The following PDCD1 variants were observed in gnomAD, a reference collection of about 807,000 sequenced individuals.
The protein encoded by PDCD1 is programmed cell death protein 1.
In PDCD1, 10 loss-of-function variants were observed where a neutral mutation model predicts 23.6. The ratio of observed to expected loss-of-function variants is 0.42; its 90% CI spans 0.26 to 0.72. PDCD1 has a LOEUF of 0.72. Among genes scored for constraint, PDCD1 ranks in the 30% least tolerant of loss-of-function variants. The pLI, the probability that PDCD1 is intolerant of heterozygous loss-of-function variation, is 0.24. For synonymous variants in PDCD1, 168 were observed against 169.3 expected (o/e 0.99, Z 0.06); for missense variants, 313 against 397.8 (o/e 0.79, Z 1.81).
chr2:241,851,836 G>T, intron 4 of PDCD1, 113 bp downstream of exon 4: 2 of 1,084,812 alleles, frequency 1.8e-6, no homozygotes, highest in Non-Finnish European at 2.8e-6. Context: ...GTGGGGTCCT[G>T]GCTATAATAG....
intron 1 of PDCD1, among the ~76,000 whole-genome samples, chr2:241,856,425 G>T (rs1305566313): frequency 6.6e-6 from 1 of 152,226 alleles, no homozygotes; most frequent in Non-Finnish European, 1.5e-5. Flanking sequence ...AATATTCTTA[G>T]TTATTGATTC....
At chr2:241,851,650 C>A (rs1386512050) in intron 4 of PDCD1, among the ~76,000 whole-genome samples, 1 of 151,812 alleles carries the variant, frequency 6.6e-6, no homozygotes, top group Non-Finnish European at 1.5e-5. Flanking sequence ...CGCAGGCAGG[C>A]ACATATGTGG....
Position 241,852,616 on chromosome 2 carries a change from C to T in PDCD1, c.436+5G>A, listed in dbSNP as rs760475632. ...ACCCCTGCCCCGGGGCCTCCGAGGCCGCACCTGTCACCCTGAGCTCTGCCC... is the reference window on the plus strand; with the variant it reads ...ACCCCTGCCCCGGGGCCTCCGAGGCTGCACCTGTCACCCTGAGCTCTGCCC... On this transcript the variant is annotated splice_donor_5th_base_variant and intron_variant, in intron 2 of 4. Transcript: ENST00000334409. 20 of 1,608,282 alleles carry T rather than the reference C, an allele frequency of 1.2e-5. No homozygotes were observed. In the East Asian group the frequency reaches 1.3e-4, roughly 11 times the overall value.
chr2:241,856,033 T>C (rs577040149), intron 1 of PDCD1, among the ~76,000 whole-genome samples: 1 of 152,328 alleles, frequency 6.6e-6, no homozygotes, highest in East Asian at 1.9e-4. Context: ...CAGGCCTGGC[T>C]TCCTGTACAG....
Position 241,850,567 on chromosome 2 carries a change from T to G in PDCD1, c.*491A>C. Reference sequence around the variant, plus strand: ...CCCAGCCCCATGTACCTCCCACTCCTGTGCCCAGTCTTGGGCCCTGCGTCC... The same window carrying G: ...CCCAGCCCCATGTACCTCCCACTCCGGTGCCCAGTCTTGGGCCCTGCGTCC... On this transcript the variant is annotated 3_prime_UTR_variant, in exon 5 of 5. Coordinates refer to ENST00000334409, the MANE Select transcript of PDCD1 (RefSeq NM_005018.3). 2.5e-6 allele frequency: 1 copy of G among 394,526 alleles called. No individual in the cohort carries two copies. The highest frequency in any genetic ancestry group is 4.8e-6 in the Non-Finnish European group (1 of 207,368). The allele number at this position is 394,526 out of a possible 1,614,324, so 24.4% of individuals were successfully genotyped here. A position where few individuals can be genotyped will look rare whatever the true frequency, so the allele number is the denominator to read the frequency against.
intron 2 of PDCD1, 24 bp from the exon 3 acceptor site, chr2:241,852,377 G>T: frequency 6.7e-7 from 1 of 1,489,732 alleles, no homozygotes; most frequent in Non-Finnish European, 9.3e-7. Flanking sequence ...AAGGTCAGGG[G>T]TTAGGACGGG....
chr2:241,852,847 C>T lies in PDCD1; in HGVS notation c.210G>A (p.Met70Ile), dbSNP rs1424422486. The part of the protein sequence containing the change: ...SESFVLNWYR[M>I]SPSNQTDKLA... ...GCTTGTCCGTCTGGTTGCTGGGGCTCATGCGGTACCAGTTTAGCACGAAGC... is the reference window on the plus strand; with the variant it reads ...GCTTGTCCGTCTGGTTGCTGGGGCTTATGCGGTACCAGTTTAGCACGAAGC... The change falls in exon 2 of 5, where the codon ATG becomes ATA. Residue 70 changes from methionine (M) to isoleucine (I), a missense_variant. By Grantham distance (10) the Met-to-Ile change is conservative. Transcript: ENST00000334409. 2.5e-6 allele frequency: 4 copies of T among 1,608,736 alleles called. No individual in the cohort carries two copies. Among genetic ancestry groups the T allele is most frequent in the South Asian group, 2.2e-5 (2 of 91,066 alleles).
At position 241,858,864 on chromosome 2, in the gene PDCD1, C is replaced by T. The variant is rs199970743; in HGVS notation, c.-26G>A. Reference sequence around the variant, plus strand: ...GCCTGGAGCAGCCCCACCAGAGTGCCGCCTTCTCCACTGCTCAGGCGGAGG... The same window carrying T: ...GCCTGGAGCAGCCCCACCAGAGTGCTGCCTTCTCCACTGCTCAGGCGGAGG... On this transcript the variant is annotated 5_prime_UTR_variant, in exon 1 of 5. Coordinates refer to ENST00000334409, the MANE Select transcript of PDCD1 (RefSeq NM_005018.3). 8.8e-5 allele frequency: 137 copies of T among 1,552,554 alleles called. No individual in the cohort carries two copies. Among genetic ancestry groups the T allele is most frequent in the Non-Finnish European group, 1.2e-4 (135 of 1,145,886 alleles).
intron 4 of PDCD1, 79 bp from the exon 5 acceptor site, chr2:241,851,376 A>G: frequency 6.8e-7 from 1 of 1,480,918 alleles, no homozygotes; most frequent in Non-Finnish European, 9.1e-7. Context: ...GCCTGGCTGC[A>G]GTACCGGCAC....
At chr2:241,854,260 G>A (rs977338883) in intron 1 of PDCD1, among the ~76,000 whole-genome samples, 3 of 152,194 alleles carry the variant, frequency 2.0e-5, no homozygotes, top group Admixed American at 1.3e-4. Context: ...ACAAGCGCTC[G>A]CCTCCTTCAC....
At chr2:241,857,010 A>T (rs541524033) in intron 1 of PDCD1, among the ~76,000 whole-genome samples, 1 of 152,346 alleles carries the variant, frequency 6.6e-6, no homozygotes, top group Admixed American at 6.5e-5. Context: ...TGGAGCTCAC[A>T]GTGGTCCCAC....
intron 1 of PDCD1, among the ~76,000 whole-genome samples, chr2:241,856,594 GGGGA>G (rs1320796822): frequency 1.3e-5 from 2 of 152,156 alleles, no homozygotes; most frequent in African/African-American, 4.8e-5. Context: ...CCCAGTACTT[GGGGA>G]GGCTGAGGTG....
intron 2 of PDCD1, 84 bp from the exon 3 acceptor site, chr2:241,852,437 G>T: frequency 1.8e-6 from 2 of 1,141,448 alleles, no homozygotes; most frequent in Admixed American, 2.4e-5. Context: ...AGAGGGGCTG[G>T]GGTGCTTCCA....
chr2:241,851,720 C>T (rs971752095), intron 4 of PDCD1, among the ~76,000 whole-genome samples: 2 of 150,528 alleles, frequency 1.3e-5, no homozygotes, highest in Admixed American at 1.3e-4. Flanking sequence ...CCCTGGAGAC[C>T]GCAGGCAGGC....
intron 4 of PDCD1, 40 bp from the exon 5 acceptor site, chr2:241,851,337 A>G (rs766438651): frequency 1.7e-5 from 26 of 1,560,768 alleles, no homozygotes; most frequent in Admixed American, 1.1e-4. Flanking sequence ...CCCACGGCCC[A>G]CCGCAGGAAG....
At chr2:241,855,133 C>G (rs1700993577) in intron 1 of PDCD1, among the ~76,000 whole-genome samples, 1 of 152,140 alleles carries the variant, frequency 6.6e-6, no homozygotes. Context: ...CCCAACCCCC[C>G]TATTTTGGAA....
chr2:241,852,975 G>C lies in PDCD1; in HGVS notation c.82C>G (p.Pro28Ala). 1 of 1,554,984 alleles carries C rather than the reference G, an allele frequency of 6.4e-7. No individual in the cohort carries two copies. The highest frequency in any genetic ancestry group is 8.6e-7 in the Non-Finnish European group (1 of 1,156,376). Residue 28 changes from proline (P) to alanine (A), a missense_variant, in exon 2 of 5, where the codon CCA (proline) becomes GCA (alanine). Transcript: ENST00000334409. ...GTGGGGGGGTTCCAGGGCCTGTCTG[G>C]GGAGTCTGAGAGATGGAGAGAGGTG... ...GWRPGWFLDS[P>A]DRPWNPPTFS...
intron 1 of PDCD1, among the ~76,000 whole-genome samples, chr2:241,854,641 G>T (rs1215070054): frequency 1.3e-5 from 2 of 152,200 alleles, no homozygotes; most frequent in African/African-American, 2.4e-5. Flanking sequence ...CTAGGCTGGG[G>T]CTGGGTGGAC....
rs141299049 is a variant in PDCD1, at chr2:241,852,715, C to T, written c.342G>A (p.Arg114=). Residue 114 remains arginine (R), a synonymous_variant, in exon 2 of 5, where the codon CGG becomes CGA. Transcript: ENST00000334409. ...AGAGGTAGGTGCCGCTGTCATTGCGCCGGGCCCTGACCACGCTCATGTGGA... is the reference window on the plus strand; with the variant it reads ...AGAGGTAGGTGCCGCTGTCATTGCGTCGGGCCCTGACCACGCTCATGTGGA... ...RDFHMSVVRA[R]RNDSGTYLCG... 284 of 1,613,794 alleles carry T rather than the reference C, an allele frequency of 1.8e-4. No homozygotes were observed. The African/African-American group carries it at 3.3e-3, about 19-fold the overall frequency.
Sources: gnomAD v4.1 joint callset for allele counts (sites outside exome capture counted in the v4.1 genomes callset) on GRCh38, gnomAD v4.1.1 for gene constraint, MANE v1.5 for transcripts, NCBI Gene and HGNC (gene_info 2026-07-23, HGNC 2026-07-21) for gene names.